Variants in GRM7 observed in about 807,000 individuals in gnomAD.
GRM7 encodes glutamate metabotropic receptor 7, also known as metabotropic glutamate receptor 7.
Under a neutral mutation model 84.5 loss-of-function variants are expected in GRM7, and 35 were observed. The ratio of observed to expected loss-of-function variants is 0.41; its 90% CI spans 0.32 to 0.55. The LOEUF (loss-of-function observed/expected upper bound fraction) is 0.55. GRM7 is among the 20% of genes least tolerant of loss of function. The pLI is 0.19. For synonymous variants in GRM7, 487 were observed against 455.1 expected, an observed-to-expected ratio of 1.07 and a Z score of -0.89; for missense variants, 1,003 against 1,194.6, an observed-to-expected ratio of 0.84 and a Z score of 2.36.
At chr3:7,140,313 A>G (rs1693907058) in intron 1 of GRM7, among the ~76,000 whole-genome samples, 1 of 152,002 alleles carries the variant, frequency 6.6e-6, no homozygotes, top group Non-Finnish European at 1.5e-5. Flanking sequence ...AAGTAAGGGG[A>G]GAGAAAGGCT....
Position 7,691,219 on chromosome 3 carries a change from A to C in GRM7, c.2698+10924A>C, listed in dbSNP as rs1014489291. ...CTGCCCTTTTTCATAGTAACCTCTGAGGACCTCAGCTTGCACAAAGAGGAT... is the reference window on the plus strand; with the variant it reads ...CTGCCCTTTTTCATAGTAACCTCTGCGGACCTCAGCTTGCACAAAGAGGAT... On this transcript the variant is annotated intron_variant, in intron 9 of 9. Transcript: ENST00000357716. 3 of 1,253,624 alleles carry C rather than the reference A, an allele frequency of 2.4e-6. No individual in the cohort carries two copies. In the African/African-American group the frequency reaches 4.6e-5, roughly 19 times the overall value. 77.7% of individuals were successfully genotyped at this position (1,253,624 alleles called of 1,614,324 possible). A position where few individuals can be genotyped will look rare whatever the true frequency, so the allele number is the denominator to read the frequency against.
rs571085787 is a variant in GRM7, at chr3:7,445,357, C to T, written c.1175-7250C>T. Among the ~76,000 whole-genome samples the T allele has an allele frequency of 3.9e-5, 6 of 152,170 alleles. No individual in the cohort carries two copies. The South Asian group carries it at 8.3e-4, about 21-fold the overall frequency. ...AATGAAGTAACAGAGAGGCAAGAAA[C>T]GGAAGACAAATGGAGAAAATAATAT... On this transcript the variant is annotated intron_variant, in intron 5 of 9. Coordinates refer to ENST00000357716, the MANE Select transcript of GRM7 (RefSeq NM_000844.4).
chr3:7,542,695 A>T (rs1246728322), intron 7 of GRM7, among the ~76,000 whole-genome samples: 1 of 151,690 alleles, frequency 6.6e-6, no homozygotes, highest in African/African-American at 2.4e-5. Flanking sequence ...CTACAGGCAC[A>T]TGCCACCACG....
At chr3:6,867,416 G>A (rs1279672553) in intron 1 of GRM7, among the ~76,000 whole-genome samples, 1 of 152,090 alleles carries the variant, frequency 6.6e-6, no homozygotes, top group East Asian at 1.9e-4. Context: ...GCAGTTGAGA[G>A]GGAAGACAGA....
intron 1 of GRM7, among the ~76,000 whole-genome samples, chr3:6,894,554 G>GGTGTATATATATACATATGT (rs1261326734): frequency 2.6e-5 from 4 of 151,710 alleles, no homozygotes; most frequent in Middle Eastern, 3.4e-3. Flanking sequence ...CATCTCTATA[G>GGTGTATATATATACATATGT]GTGTATATAT....
At chr3:6,985,114 C>T (rs1694361453) in intron 1 of GRM7, among the ~76,000 whole-genome samples, 1 of 151,984 alleles carries the variant, frequency 6.6e-6, no homozygotes, top group Admixed American at 6.6e-5. Flanking sequence ...GACATATATA[C>T]TTATGAGGTA....
At chr3:7,536,208 T>A (rs1701236826) in intron 7 of GRM7, among the ~76,000 whole-genome samples, 1 of 152,156 alleles carries the variant, frequency 6.6e-6, no homozygotes, top group Non-Finnish European at 1.5e-5. Flanking sequence ...TCCGAATAAG[T>A]TTGAGATCAC....
At chr3:7,375,214 CTT>C (rs1553572612) in intron 4 of GRM7, among the ~76,000 whole-genome samples, 10 of 132,958 alleles carry the variant, frequency 7.5e-5, no homozygotes, top group Admixed American at 7.6e-5. Flanking sequence ...TAAACATCCC[CTT>C]TTTTTTTTTT....
chr3:7,443,987 G>A (rs1697400413), intron 5 of GRM7, among the ~76,000 whole-genome samples: 1 of 152,136 alleles, frequency 6.6e-6, no homozygotes. Flanking sequence ...CAAAACAGGA[G>A]GAGGAAAAAA....
intron 1 of GRM7, among the ~76,000 whole-genome samples, chr3:6,965,968 T>C (rs1048849545): frequency 6.6e-6 from 1 of 152,048 alleles, no homozygotes; most frequent in Non-Finnish European, 1.5e-5. Flanking sequence ...TGGTCATCCC[T>C]GTCACCAACA....
intron 8 of GRM7, among the ~76,000 whole-genome samples, chr3:7,678,187 T>C (rs1298738576): frequency 3.9e-5 from 6 of 152,106 alleles, no homozygotes; most frequent in Non-Finnish European, 2.9e-5. Flanking sequence ...ACCCATGTAA[T>C]AAACCTGCAC....
chr3:7,421,570 G>T (rs1381040781), intron 5 of GRM7, among the ~76,000 whole-genome samples: 1 of 151,932 alleles, frequency 6.6e-6, no homozygotes, highest in African/African-American at 2.4e-5. Context: ...AAAATTATTT[G>T]TGAGGCTTTG....
chr3:7,381,878 C>T (rs1191923095), intron 4 of GRM7, among the ~76,000 whole-genome samples: 1 of 152,146 alleles, frequency 6.6e-6, no homozygotes, highest in Non-Finnish European at 1.5e-5. Context: ...TTACCTAGCT[C>T]AGGGTAAGTG....
chr3:7,691,124 C>G (rs1396425100), intron 9 of GRM7: 4 of 465,530 alleles, frequency 8.6e-6, no homozygotes, highest in African/African-American at 8.0e-5. Context: ...TTATTTCTCT[C>G]TATGATCTAA....
intron 4 of GRM7, among the ~76,000 whole-genome samples, chr3:7,396,339 G>C (rs1232717640): frequency 6.6e-6 from 1 of 151,492 alleles, no homozygotes; most frequent in Non-Finnish European, 1.5e-5. Context: ...TTCTGAGGTA[G>C]CAAAAAAAAA....
intron 4 of GRM7, among the ~76,000 whole-genome samples, chr3:7,372,582 C>G (rs1694183947): frequency 1.3e-5 from 2 of 152,162 alleles, no homozygotes; most frequent in Non-Finnish European, 2.9e-5. Context: ...ATATTTCAAC[C>G]TCTGATCTTA....
intron 7 of GRM7, among the ~76,000 whole-genome samples, chr3:7,465,804 G>A (rs1243479984): frequency 6.6e-6 from 1 of 152,136 alleles, no homozygotes; most frequent in African/African-American, 2.4e-5. Context: ...CAAGAAATCA[G>A]AGTTTTAGGT....
chr3:7,721,663 T>C (rs1323286532), intron 9 of GRM7, among the ~76,000 whole-genome samples: 1 of 152,220 alleles, frequency 6.6e-6, no homozygotes, highest in Non-Finnish European at 1.5e-5. Flanking sequence ...TAAATGCTCA[T>C]TTATAGTCTC....
At chr3:7,674,345 C>A (rs1027844793) in intron 8 of GRM7, among the ~76,000 whole-genome samples, 1 of 152,030 alleles carries the variant, frequency 6.6e-6, no homozygotes, top group African/African-American at 2.4e-5. Context: ...GCACCCACCA[C>A]CCCACCTAGC....
Sources: gnomAD v4.1 joint callset for allele counts (sites outside exome capture counted in the v4.1 genomes callset) on GRCh38, gnomAD v4.1.1 for gene constraint, MANE v1.5 for transcripts, NCBI Gene and HGNC (gene_info 2026-07-23, HGNC 2026-07-21) for gene names.